SCRIB: variants seen among roughly 807,000 people sequenced by gnomAD.
The protein encoded by SCRIB is protein scribble homolog.
In SCRIB, 72 loss-of-function variants were observed where a neutral mutation model predicts 170.0. The ratio of observed to expected loss-of-function variants is 0.42; its 90% CI spans 0.35 to 0.52. The LOEUF is 0.52. Among genes scored for constraint, SCRIB ranks in the 20% least tolerant of loss-of-function variants. The pLI, the probability that SCRIB is intolerant of heterozygous loss-of-function variation, is 0.02. For missense variants in SCRIB, 2,475 were observed against 2,338.5 expected (o/e 1.06, Z -1.20); for synonymous variants, 1,298 against 1,044.3 (o/e 1.24, Z -4.68).
At chr8:143,812,455 G>A (rs1370417902) in intron 8 of SCRIB, 71 bp from the exon 9 acceptor site, 5 of 1,192,980 alleles carry the variant, frequency 4.2e-6, no homozygotes, top group Non-Finnish European at 6.3e-6. Context: ...CTGGCCAGAA[G>A]CGCCCTCAAG....
chr8:143,804,885 G>A, intron 20 of SCRIB, 49 bp downstream of exon 20: 3 of 1,528,972 alleles, frequency 2.0e-6, no homozygotes, highest in Non-Finnish European at 2.6e-6. Context: ...AGGGCGCGGG[G>A]CGGGGCAGGG....
chr8:143,811,479 G>A (rs1181674602), intron 9 of SCRIB, 134 bp from the exon 10 acceptor site: 3 of 739,678 alleles, frequency 4.1e-6, no homozygotes, highest in Non-Finnish European at 4.4e-6. Context: ...TGGAGACCGG[G>A]ACAAGGACCT....
chr8:143,794,154 G>C (rs1165499303), intron 27 of SCRIB, 192 bp from the exon 28 acceptor site: 1 of 585,480 alleles, frequency 1.7e-6, no homozygotes, highest in Non-Finnish European at 3.0e-6. Context: ...CAGGATGCGG[G>C]GGCCTGGGCT....
chr8:143,803,066 T>A (rs782300770), intron 24 of SCRIB, among the ~76,000 whole-genome samples: 3 of 151,886 alleles, frequency 2.0e-5, no homozygotes, highest in African/African-American at 4.8e-5. Flanking sequence ...TCTGCAGGAG[T>A]CACCAGTGCT....
Position 143,815,759 on chromosome 8 carries a change from C to A in SCRIB, c.-387G>T. ...CCCACCCGGCCGCCGCGCAGCCCGT[C>A]GGGAAGCCGAGTCCGGCCCTCGCCG... is the stretch of plus-strand genomic sequence containing the variant. On this transcript the variant is annotated 5_prime_UTR_variant, in exon 1 of 37. Transcript: ENST00000356994. The A allele has an allele frequency of 1.0e-6, 1 of 984,128 alleles. No homozygotes were observed. Among genetic ancestry groups the A allele is most frequent in the Non-Finnish European group, 1.2e-6 (1 of 829,528 alleles). 61.0% of individuals were successfully genotyped at this position (984,128 alleles called of 1,614,324 possible).
chr8:143,791,591 C>T, intron 35 of SCRIB, 75 bp downstream of exon 35: 1 of 1,518,846 alleles, frequency 6.6e-7, no homozygotes, highest in Non-Finnish European at 9.1e-7. Context: ...CGTGGGGAGG[C>T]CCTGCGGGAG....
Position 143,795,343 on chromosome 8 carries a change from G to A in SCRIB, c.3715-10C>T. ...CAGGCAGCTCCTTCTCCTGTGAGCA[G>A]AGCAGAGCAGACCCGTCAGGCACCA... On this transcript the variant is annotated splice_polypyrimidine_tract_variant and intron_variant, in intron 25 of 36. Transcript: ENST00000356994. 6.2e-7 allele frequency: 1 copy of A among 1,612,826 alleles called. No individual in the cohort carries two copies. Among genetic ancestry groups the A allele is most frequent in the Middle Eastern group, 1.7e-4 (1 of 6,016 alleles).
intron 14 of SCRIB, 89 bp from the exon 15 acceptor site, chr8:143,809,114 C>T: frequency 6.9e-7 from 1 of 1,444,232 alleles, no homozygotes; most frequent in South Asian, 1.4e-5. Flanking sequence ...CACAGACGGG[C>T]TCCGAAAGCC....
rs372185549 is a variant in SCRIB, at chr8:143,792,393, C to T, written c.4341G>A (p.Ala1447=). ...CGCCACCTCCCAGGGGTGGGGGGGA[C>T]GCCGGGCTCTGCCTGGGGAAGGGAC... ...SPSPTSRQSP[A]SPPPLGGGAP... is the part of the protein sequence containing the mutation. The change falls in exon 32 of 37, where the codon GCG becomes GCA. Residue 1447 remains alanine (A), a synonymous_variant. Coordinates refer to ENST00000356994, the MANE Select transcript of SCRIB (RefSeq NM_182706.5). 2.1e-5 allele frequency: 31 copies of T among 1,501,016 alleles called. No homozygotes were observed. The highest frequency in any genetic ancestry group is 6.5e-5 in the South Asian group (5 of 77,514). The allele number at this position is 1,501,016 out of a possible 1,614,324, so 93.0% of individuals were successfully genotyped here.
Position 143,791,740 on chromosome 8 carries a change from G to T in SCRIB, c.4696C>A (p.Pro1566Thr), listed in dbSNP as rs1554632704. Reference protein sequence around the residue: ...PQTSTSPGRLPLSGKKFDYRA... With the variant: ...PQTSTSPGRLTLSGKKFDYRA... The stretch of plus-strand genomic sequence containing the variant: ...TAGTCAAACTTCTTTCCAGACAAGG[G>T]CTTGAAAGGACAGCGTGAGGGGAGA... Residue 1566 changes from proline (P) to threonine (T), a missense_variant and splice_region_variant, in exon 35 of 37, where the codon CCC becomes ACC. Coordinates refer to ENST00000356994, the MANE Select transcript of SCRIB (RefSeq NM_182706.5). The T allele has an allele frequency of 6.3e-7, 1 of 1,597,760 alleles. No individual in the cohort carries two copies. Among genetic ancestry groups the T allele is most frequent in the Admixed American group, 1.7e-5 (1 of 59,622 alleles).
At chr8:143,807,050 C>A in intron 16 of SCRIB, 37 bp from the exon 17 acceptor site, 1 of 1,469,054 alleles carries the variant, frequency 6.8e-7, no homozygotes, top group Non-Finnish European at 9.4e-7. Flanking sequence ...AGAAGGGCCG[C>A]AGTGGGGCTG....
intron 1 of SCRIB, 68 bp downstream of exon 1, chr8:143,815,146 A>AT: frequency 7.0e-7 from 1 of 1,432,742 alleles, no homozygotes; most frequent in Non-Finnish European, 9.2e-7. Flanking sequence ...GCCCGGGCAG[A>AT]TTCTGCCGCC....
At chr8:143,802,638 C>T (rs1270142726) in intron 24 of SCRIB, among the ~76,000 whole-genome samples, 7 of 152,232 alleles carry the variant, frequency 4.6e-5, no homozygotes, top group South Asian at 2.1e-4. Flanking sequence ...CACACCCTGG[C>T]GCCAGTGAAG....
chr8:143,791,917 G>T lies in SCRIB; in HGVS notation c.4658-4C>A. 1 of 1,516,726 alleles carries T rather than the reference G, an allele frequency of 6.6e-7. No individual in the cohort carries two copies. 94.0% of individuals were successfully genotyped at this position (1,516,726 alleles called of 1,614,324 possible). On this transcript the variant is annotated splice_polypyrimidine_tract_variant and splice_region_variant and intron_variant, in intron 33 of 36. Coordinates refer to ENST00000356994, the MANE Select transcript of SCRIB (RefSeq NM_182706.5). Reference sequence around the variant, plus strand: ...GTGCTGGTCTGGGGGCCGAGGTCTGGGGGGACAAGAAGCGGGCATTGGAAG... The same window carrying T: ...GTGCTGGTCTGGGGGCCGAGGTCTGTGGGGACAAGAAGCGGGCATTGGAAG...
intron 24 of SCRIB, among the ~76,000 whole-genome samples, chr8:143,798,538 G>A (rs1173998071): frequency 2.0e-5 from 3 of 152,134 alleles, no homozygotes; most frequent in East Asian, 1.9e-4. Context: ...GGGCTCGAGC[G>A]ATCCTCCTGT....
rs782497213 is a variant in SCRIB, at chr8:143,795,330, TCTC to T, written c.3715_3717del (p.Glu1239del). ...TGCAGGGTCTGTCCAGGCAGCTCCT[TCTC>T]CTGTGAGCAGAGCAGAGCAGACCCG... is the stretch of plus-strand genomic sequence containing the variant. On this transcript the variant is annotated inframe_deletion and splice_region_variant, in exon 26 of 37. Coordinates refer to ENST00000356994, the MANE Select transcript of SCRIB (RefSeq NM_182706.5). 123 of 1,612,608 alleles carry T rather than the reference TCTC, an allele frequency of 7.6e-5. No individual in the cohort carries two copies. The East Asian group carries it at 2.6e-3, about 35-fold the overall frequency.
rs147627942 is a variant in SCRIB at position 143,803,430 on chromosome 8, C to T, written c.3556G>A (p.Val1186Met). The T allele has an allele frequency of 8.1e-5, 130 of 1,595,840 alleles. No individual in the cohort carries two copies. The African/African-American group carries it at 1.2e-3, about 14-fold the overall frequency. The change falls in exon 24 of 37, where the codon GTG becomes ATG. Residue 1186 changes from valine to methionine, a missense_variant. This residue lies in a region of SCRIB where 1,966 missense variants were observed against 1,742.9 expected (regional missense o/e 1.13). Coordinates refer to ENST00000356994, the MANE Select transcript of SCRIB (RefSeq NM_182706.5). The stretch of plus-strand genomic sequence containing the variant: ...GCCTCAAAGCCGTCACAGACCAGCA[C>T]GGTGAGGGTGTCGCCCACACTGCGG... The part of the protein sequence containing the change: ...LLRSVGDTLT[V>M]LVCDGFEAST...
Position 143,813,373 on chromosome 8 carries a change from A to C in SCRIB, c.505T>G (p.Ser169Ala). The C allele has an allele frequency of 6.2e-7, 1 of 1,613,546 alleles. No individual in the cohort carries two copies. The highest frequency in any genetic ancestry group is 8.5e-7 in the Non-Finnish European group (1 of 1,180,006). ...TCCAGCTTGACCAGAAATGACAGGG[A>C]CCTGCAGAGGAAGCAGGGTGGAGGT... Reference protein sequence around the residue: ...RENLLKSLPASLSFLVKLEQL... With the variant: ...RENLLKSLPAALSFLVKLEQL... The change falls in exon 6 of 37, where the codon TCC becomes GCC. Residue 169 changes from serine to alanine, a missense_variant and splice_region_variant. Transcript: ENST00000356994.
chr8:143,804,040 C>T lies in SCRIB; in HGVS notation c.3120+6G>A. 1 of 1,602,636 alleles carries T rather than the reference C, an allele frequency of 6.2e-7. No homozygotes were observed. Among genetic ancestry groups the T allele is most frequent in the Non-Finnish European group, 8.5e-7 (1 of 1,172,624 alleles). On this transcript the variant is annotated splice_donor_region_variant and intron_variant, in intron 22 of 36. Coordinates refer to ENST00000356994, the MANE Select transcript of SCRIB (RefSeq NM_182706.5). ...CTCACAGAACCGCCTGGATGGGCCG[C>T]CCTACCTTGGAGATGAACACACCAG...
Sources: allele counts gnomAD v4.1 joint callset (sites outside exome capture counted in the v4.1 genomes callset), GRCh38; gene constraint gnomAD v4.1.1; regional missense constraint gnomAD v4.1.1; transcripts MANE v1.5; gene names NCBI Gene and HGNC (gene_info 2026-07-23, HGNC 2026-07-21).